The following DLG2 variants were observed in gnomAD, a reference collection of about 807,000 sequenced individuals.
DLG2 encodes disks large homolog 2.
Under a neutral mutation model 132.5 loss-of-function variants are expected in DLG2, and 45 were observed. That is an observed-to-expected ratio of 0.34 (90% CI 0.27 to 0.44). The LOEUF (loss-of-function observed/expected upper bound fraction) is 0.44. DLG2 is among the 20% of genes least tolerant of loss of function. The probability of loss-of-function intolerance (pLI) is 1.00; values close to 1 mark genes in which losing one functional copy is unlikely to be tolerated. For missense variants in DLG2, 1,045 were observed against 1,196.9 expected (o/e 0.87, Z 1.87); for synonymous variants, 424 against 419.6 (o/e 1.01, Z -0.13).
intron 6 of DLG2, among the ~76,000 whole-genome samples, chr11:84,883,535 T>G (rs965735913): frequency 2.6e-5 from 4 of 151,640 alleles, no homozygotes; most frequent in South Asian, 4.2e-4. Flanking sequence ...AAAAAGAAAA[T>G]TAAAAAAATA....
chr11:85,142,487 T>C (rs1272187129), intron 5 of DLG2, among the ~76,000 whole-genome samples: 1 of 151,830 alleles, frequency 6.6e-6, no homozygotes, highest in African/African-American at 2.4e-5. Flanking sequence ...TTTTTCTAAA[T>C]AGAAGATCAT....
At chr11:85,122,955 A>ATATATATATATAT (rs1555376330) in intron 5 of DLG2, among the ~76,000 whole-genome samples, 50 of 38,134 alleles carry the variant, frequency 1.3e-3, no homozygotes, top group East Asian at 4.1e-3. Flanking sequence ...TATATTATAT[A>ATATATATATATAT]TATATATATA....
At chr11:85,462,585 G>T (rs1024896381) in intron 3 of DLG2, among the ~76,000 whole-genome samples, 1 of 152,022 alleles carries the variant, frequency 6.6e-6, no homozygotes, top group East Asian at 1.9e-4. Context: ...CTCACTCATA[G>T]GTGGGAATTG....
chr11:84,510,356 G>C (rs545188430), intron 7 of DLG2, among the ~76,000 whole-genome samples: 2 of 151,884 alleles, frequency 1.3e-5, no homozygotes, highest in Non-Finnish European at 2.9e-5. Context: ...TTTTATACAA[G>C]TAAAAGTGAG....
intron 11 of DLG2, among the ~76,000 whole-genome samples, chr11:84,031,690 C>A (rs2095697387): frequency 6.6e-6 from 1 of 152,192 alleles, no homozygotes; most frequent in African/African-American, 2.4e-5. Flanking sequence ...TCTGCTCCCT[C>A]TTTCCAGTGA....
rs146925269 is a variant in DLG2 at position 84,059,422 on chromosome 11, G to A, written c.812C>T (p.Ala271Val). 4 of 1,613,026 alleles carry A rather than the reference G, an allele frequency of 2.5e-6. No individual in the cohort carries two copies. The highest frequency in any genetic ancestry group is 1.7e-5 in the Admixed American group (1 of 59,872). ...VDVSEVSHSK[A>V]VEALKEAGSI... Reference sequence around the variant, plus strand: ...CCCTGCTTCCTTCAGGGCTTCCACCGCTTTACTGTGGGAAACCTCTGACAC... The same window carrying A: ...CCCTGCTTCCTTCAGGGCTTCCACCACTTTACTGTGGGAAACCTCTGACAC... Residue 271 changes from alanine to valine, a missense_variant, in exon 11 of 28, where the codon GCG becomes GTG. Coordinates refer to ENST00000376104, the MANE Select transcript of DLG2 (RefSeq NM_001142699.3).
At chr11:84,243,641 T>C (rs2097264472) in intron 8 of DLG2, among the ~76,000 whole-genome samples, 1 of 152,226 alleles carries the variant, frequency 6.6e-6, no homozygotes, top group Non-Finnish European at 1.5e-5. Context: ...TTAGATTCTA[T>C]TGCTCACAAA....
chr11:84,872,771 T>C (rs1202422398), intron 6 of DLG2, among the ~76,000 whole-genome samples: 2 of 152,220 alleles, frequency 1.3e-5, no homozygotes, highest in Non-Finnish European at 2.9e-5. Flanking sequence ...TAATTTCTAT[T>C]AGATCAGAGA....
At chr11:85,128,929 C>G (rs2075420594) in intron 5 of DLG2, among the ~76,000 whole-genome samples, 1 of 152,158 alleles carries the variant, frequency 6.6e-6, no homozygotes, top group Admixed American at 6.5e-5. Context: ...GTGCTAAGTA[C>G]TTTACATACT....
intron 17 of DLG2, among the ~76,000 whole-genome samples, chr11:83,793,620 G>T (rs530102295): frequency 6.6e-6 from 1 of 152,102 alleles, no homozygotes; most frequent in Admixed American, 6.6e-5. Context: ...TAGACAAAAC[G>T]GGTTAAATCT....
At chr11:85,034,435 G>C (rs2061287743) in intron 6 of DLG2, among the ~76,000 whole-genome samples, 1 of 152,098 alleles carries the variant, frequency 6.6e-6, no homozygotes, top group African/African-American at 2.4e-5. Flanking sequence ...ATCTTCTACA[G>C]TTTTCAGATC....
intron 18 of DLG2, among the ~76,000 whole-genome samples, chr11:83,739,062 C>CT (rs927718197): frequency 2.0e-5 from 3 of 152,018 alleles, no homozygotes; most frequent in Non-Finnish European, 4.4e-5. Context: ...GTTCTTCTCT[C>CT]TTTTTTTAAG....
chr11:85,314,528 T>C (rs942375745), intron 3 of DLG2, among the ~76,000 whole-genome samples: 1 of 151,880 alleles, frequency 6.6e-6, no homozygotes, highest in Non-Finnish European at 1.5e-5. Context: ...TTTTGTCAAA[T>C]TTCAGATGAT....
intron 18 of DLG2, among the ~76,000 whole-genome samples, chr11:83,719,925 G>A (rs1329173904): frequency 6.6e-6 from 1 of 152,052 alleles, no homozygotes; most frequent in Non-Finnish European, 1.5e-5. Context: ...TTCCATCAAG[G>A]TGAATCTGTA....
intron 6 of DLG2, among the ~76,000 whole-genome samples, chr11:84,899,692 A>G (rs927685412): frequency 6.6e-6 from 1 of 152,096 alleles, no homozygotes; most frequent in Non-Finnish European, 1.5e-5. Flanking sequence ...GGCAGTGAGC[A>G]AAAGAGAAGC....
chr11:83,782,293 A>G (rs2094860774), intron 18 of DLG2, among the ~76,000 whole-genome samples: 1 of 152,198 alleles, frequency 6.6e-6, no homozygotes, highest in Non-Finnish European at 1.5e-5. Flanking sequence ...ATTATATTGC[A>G]TTTAAATTAA....
At chr11:85,206,810 G>A (rs1397922416) in intron 4 of DLG2, among the ~76,000 whole-genome samples, 1 of 151,984 alleles carries the variant, frequency 6.6e-6, no homozygotes, top group Non-Finnish European at 1.5e-5. Flanking sequence ...TCCAGCCTGG[G>A]TGACAAGAGC....
chr11:85,155,800 G>A (rs1379026362), intron 4 of DLG2, among the ~76,000 whole-genome samples: 1 of 151,544 alleles, frequency 6.6e-6, no homozygotes, highest in African/African-American at 2.4e-5. Context: ...AACCAGGGAG[G>A]TGCAGGTTGC....
At chr11:83,896,138 T>C (rs374363322) in intron 15 of DLG2, among the ~76,000 whole-genome samples, 1 of 152,176 alleles carries the variant, frequency 6.6e-6, no homozygotes, top group Non-Finnish European at 1.5e-5. Context: ...AAGGACAATA[T>C]AAATAATGGA....
Sources: allele counts gnomAD v4.1 joint callset (sites outside exome capture counted in the v4.1 genomes callset), GRCh38; gene constraint gnomAD v4.1.1; transcripts MANE v1.5; gene names NCBI Gene and HGNC (gene_info 2026-07-23, HGNC 2026-07-21).